The following ADD2 variants were observed in gnomAD, a reference collection of about 807,000 sequenced individuals.
ADD2 encodes adducin 2.
Under a neutral mutation model 83.0 loss-of-function variants are expected in ADD2, and 23 were observed. The ratio of observed to expected loss-of-function variants is 0.28; its 90% CI spans 0.20 to 0.39. The LOEUF (loss-of-function observed/expected upper bound fraction) is 0.39, where lower values mean the gene tolerates loss of function less well. Ranked by LOEUF, ADD2 falls within the 10% of genes least tolerant of loss-of-function variation. The pLI is 1.00. For synonymous variants in ADD2, 375 were observed against 375.4 expected (o/e 1.00, Z 0.01); for missense variants, 758 against 944.9 (o/e 0.80, Z 2.59).
intron 14 of ADD2, among the ~76,000 whole-genome samples, chr2:70,673,914 T>C (rs1194314731): frequency 6.6e-6 from 1 of 152,204 alleles, no homozygotes; most frequent in Non-Finnish European, 1.5e-5. Flanking sequence ...GTGTCTGCTT[T>C]GTGTCCAGGA....
chr2:70,663,167 C>T lies in ADD2; in HGVS notation c.*258G>A. ...GCAGTGTTGTGTAGTAGAAGGAGCA[C>T]TGGACTGGAAGTCAGGAGACCTGAA... On this transcript the variant is annotated 3_prime_UTR_variant, in exon 16 of 16. Transcript: ENST00000264436. The T allele has an allele frequency of 2.1e-6, 1 of 470,516 alleles. No individual in the cohort carries two copies. The highest frequency in any genetic ancestry group is 3.9e-5 in the East Asian group (1 of 25,824). The allele number at this position is 470,516 out of a possible 1,614,324, so 29.1% of individuals were successfully genotyped here.
rs565106540 is a variant in ADD2 at position 70,681,748 on chromosome 2, A to G, written c.1125+1843T>C. ...ATAATAGTTTCCTTTCCTTTATAAT[A>G]TTTATACCTCTTATGCTTCATTGCC... On this transcript the variant is annotated intron_variant, in intron 10 of 15. Transcript: ENST00000264436. Among the ~76,000 whole-genome samples the G allele has an allele frequency of 3.3e-5, 5 of 151,768 alleles. No homozygotes were observed. The East Asian group carries it at 9.7e-4, about 29-fold the overall frequency.
At position 70,706,495 on chromosome 2, in the gene ADD2, A is replaced by G. The variant is rs797034974; in HGVS notation, c.-34-53T>C. On this transcript the variant is annotated intron_variant, in intron 2 of 15. Coordinates refer to ENST00000264436, the MANE Select transcript of ADD2 (RefSeq NM_001617.4). The surrounding 1 kb of genome is among the most constrained non-coding windows in gnomAD (Gnocchi z 5.0). ...TCAGGTTGGTGCTCCCCATCGGGGT[A>G]CACGTTTCTCAGAGCACAGGGCTAG... 2.7e-6 allele frequency: 4 copies of G among 1,473,842 alleles called. No homozygotes were observed. The highest frequency in any genetic ancestry group is 3.6e-6 in the Non-Finnish European group (4 of 1,097,574). The allele number at this position is 1,473,842 out of a possible 1,614,324, so 91.3% of individuals were successfully genotyped here. A position where few individuals can be genotyped will look rare whatever the true frequency, so the allele number is the denominator to read the frequency against.
At chr2:70,704,263 T>TGCCCCCCCCCCCCCCCCCC in intron 4 of ADD2, 58 bp downstream of exon 4, 54 of 913,226 alleles carry the variant, frequency 5.9e-5, no homozygotes, top group Non-Finnish European at 7.6e-5. Context: ...CTCCCTCTCT[T>TGCCCCCCCCCCCCCCCCCC]CCCCACCCCA....
chr2:70,745,211 G>A (rs868916673), intron 1 of ADD2, among the ~76,000 whole-genome samples: 32 of 152,070 alleles, frequency 2.1e-4, no homozygotes, highest in African/African-American at 7.0e-4. Flanking sequence ...GTGTGAACCC[G>A]GAGGGCGGAG....
In ADD2 at chr2:70,683,644, T is replaced by A; in HGVS notation, c.1072A>T (p.Ser358Cys). Residue 358 changes from serine (S) to cysteine (C), a missense_variant, in exon 10 of 16, where the codon AGT (serine) becomes TGT (cysteine). This residue lies in a region of ADD2 where 394 missense variants were observed against 509.3 expected (regional missense o/e 0.77). Transcript: ENST00000264436. Reference sequence around the variant, plus strand: ...TCAAACTCATGCTCCCCCAGCCGACTCTTCTGCATAGGCCCAAAGGTGCTC... The same window carrying A: ...TCAAACTCATGCTCCCCCAGCCGACACTTCTGCATAGGCCCAAAGGTGCTC... Reference protein sequence around the residue: ...AGSTFGPMQKSRLGEHEFEAL... With the variant: ...AGSTFGPMQKCRLGEHEFEAL... The A allele has an allele frequency of 6.2e-7, 1 of 1,614,028 alleles. No homozygotes were observed. Among genetic ancestry groups the A allele is most frequent in the Non-Finnish European group, 8.5e-7 (1 of 1,179,926 alleles).
chr2:70,677,434 C>A (rs1670217391), intron 12 of ADD2, among the ~76,000 whole-genome samples: 1 of 152,196 alleles, frequency 6.6e-6, no homozygotes. Context: ...AGTCCGGAAA[C>A]AAACACAGCA....
At chr2:70,744,914 G>A (rs1261667260) in intron 1 of ADD2, among the ~76,000 whole-genome samples, 1 of 152,096 alleles carries the variant, frequency 6.6e-6, no homozygotes, top group Non-Finnish European at 1.5e-5. Context: ...ACAAAACACA[G>A]GACTTGGTGG....
chr2:70,673,405 A>C, intron 14 of ADD2: 2 of 1,201,218 alleles, frequency 1.7e-6, no homozygotes, highest in Non-Finnish European at 2.4e-6. Context: ...ACAACCACCA[A>C]CTCCCCTTAT....
At chr2:70,700,603 G>T (rs1453007189) in intron 4 of ADD2, among the ~76,000 whole-genome samples, 1 of 151,986 alleles carries the variant, frequency 6.6e-6, no homozygotes, top group African/African-American at 2.4e-5. Context: ...TAAAACTAAT[G>T]AATCAGGAAG....
intron 1 of ADD2, among the ~76,000 whole-genome samples, chr2:70,752,950 C>CA (rs1292461021): frequency 6.6e-6 from 1 of 152,120 alleles, no homozygotes; most frequent in Non-Finnish European, 1.5e-5. Context: ...GTTCCAGAAG[C>CA]AATGAAGTAG....
At position 70,676,047 on chromosome 2, in the gene ADD2, T is replaced by G. The variant is rs781879553; in HGVS notation, c.1593+749A>C. On this transcript the variant is annotated intron_variant, in intron 13 of 15. Coordinates refer to ENST00000264436, the MANE Select transcript of ADD2 (RefSeq NM_001617.4). The surrounding 1 kb of genome is among the most constrained non-coding windows in gnomAD (Gnocchi z 4.8). ...GGCACCCACCCTGTGGGCTGCAGTC[T>G]TGACCTGAAATCATTGCATCATCAC... is the stretch of plus-strand genomic sequence containing the variant. The G allele has an allele frequency of 1.0e-6, 1 of 985,416 alleles. No homozygotes were observed. 61.0% of individuals were successfully genotyped at this position (985,416 alleles called of 1,614,324 possible). A position where few individuals can be genotyped will look rare whatever the true frequency, so the allele number is the denominator to read the frequency against.
chr2:70,671,117 G>A (rs139091172), intron 15 of ADD2, among the ~76,000 whole-genome samples: 2 of 152,142 alleles, frequency 1.3e-5, no homozygotes, highest in South Asian at 4.1e-4. Flanking sequence ...TAGCAGACCA[G>A]GCCCTCTATG....
chr2:70,689,475 A>G (rs1329061242), intron 8 of ADD2, among the ~76,000 whole-genome samples: 1 of 152,254 alleles, frequency 6.6e-6, no homozygotes, highest in Non-Finnish European at 1.5e-5. Context: ...TGCCAGAGAA[A>G]CAGAAAGAGA....
intron 6 of ADD2, 126 bp from the exon 7 acceptor site, chr2:70,692,678 G>T: frequency 9.5e-7 from 1 of 1,053,962 alleles, no homozygotes; most frequent in Non-Finnish European, 1.3e-6. Context: ...CATGAGCAAT[G>T]ACGGACTTGG....
intron 3 of ADD2, among the ~76,000 whole-genome samples, chr2:70,704,962 G>A (rs1294176562): frequency 2.0e-5 from 3 of 152,128 alleles, no homozygotes; most frequent in African/African-American, 7.2e-5. Context: ...TCTAAGCCTG[G>A]CTTTTCAGAC....
chr2:70,677,192 G>C (rs1319961860), intron 12 of ADD2, among the ~76,000 whole-genome samples: 2 of 152,062 alleles, frequency 1.3e-5, no homozygotes, highest in African/African-American at 4.8e-5. Flanking sequence ...ACAGATTCTA[G>C]GCACCCCCCA....
At chr2:70,683,878 C>A in intron 9 of ADD2, 111 bp from the exon 10 acceptor site, 1 of 1,252,850 alleles carries the variant, frequency 8.0e-7, no homozygotes, top group Admixed American at 3.1e-5. Context: ...AACTTAGAGG[C>A]CAAACTGAGA....
At chr2:70,704,263 T>TGCCCCACCCCCCCCC in intron 4 of ADD2, 58 bp downstream of exon 4, 1 of 913,238 alleles carries the variant, frequency 1.1e-6, no homozygotes, top group Non-Finnish European at 1.7e-6. Flanking sequence ...CTCCCTCTCT[T>TGCCCCACCCCCCCCC]CCCCACCCCA....
Sources: allele counts gnomAD v4.1 joint callset (sites outside exome capture counted in the v4.1 genomes callset), GRCh38; gene constraint gnomAD v4.1.1; regional missense constraint gnomAD v4.1.1; non-coding constraint Gnocchi (gnomAD v3.1); transcripts MANE v1.5; gene names NCBI Gene and HGNC (gene_info 2026-07-23, HGNC 2026-07-21).